Variants in FARP2 observed in about 807,000 individuals in gnomAD.
FARP2 encodes FERM, ARHGEF and pleckstrin domain-containing protein 2.
In FARP2, 111 loss-of-function variants were observed where a neutral mutation model predicts 130.5. The observed-to-expected ratio is 0.85, with a 90% CI of 0.73 to 1.00. The LOEUF (loss-of-function observed/expected upper bound fraction) is 1.00. Ranked by LOEUF, FARP2 falls within the 50% of genes least tolerant of loss-of-function variation. FARP2 has a pLI of 0.00. For synonymous variants in FARP2, 504 were observed against 516.9 expected (o/e 0.98, Z 0.34); for missense variants, 1,385 against 1,346.3 (o/e 1.03, Z -0.45).
In FARP2 at chr2:241,491,543, A is replaced by C; in HGVS notation, c.2651A>C (p.Gln884Pro). Residue 884 changes from glutamine (Q) to proline (P), a missense_variant, in exon 24 of 27, where the codon CAG (glutamine) becomes CCG (proline). Coordinates refer to ENST00000264042, the MANE Select transcript of FARP2 (RefSeq NM_014808.4). ...PRSPNEVSLE[Q>P]ESEDDARGVR... ...TCCCCCAACGAGGTATCTCTGGAGC[A>C]GGAGTCAGAAGATGATGCTCGGGGT... The C allele has an allele frequency of 6.2e-7, 1 of 1,613,642 alleles. No homozygotes were observed. The highest frequency in any genetic ancestry group is 1.3e-5 in the African/African-American group (1 of 75,048).
chr2:241,491,489 CCT>C (rs1397563363), intron 23 of FARP2, 25 bp from the exon 24 acceptor site: 4 of 1,612,058 alleles, frequency 2.5e-6, no homozygotes, highest in East Asian at 4.5e-5. Flanking sequence ...GGGGGTTCCC[CCT>C]GAGACGCTGC....
chr2:241,490,140 C>G, intron 22 of FARP2, 96 bp downstream of exon 22: 1 of 853,968 alleles, frequency 1.2e-6, no homozygotes, highest in Non-Finnish European at 2.0e-6. Flanking sequence ...CTGTGAGGAG[C>G]CATGTAGCCT....
At chr2:241,435,160 C>G (rs1351549460) in intron 11 of FARP2, 130 bp downstream of exon 11, 1 of 533,446 alleles carries the variant, frequency 1.9e-6, no homozygotes, top group Admixed American at 4.0e-5. Flanking sequence ...GTGGCATGAT[C>G]ACGGCTCACT....
In FARP2 at chr2:241,494,192, T is replaced by C; in HGVS notation, c.*67T>C. On this transcript the variant is annotated 3_prime_UTR_variant, in exon 27 of 27. Coordinates refer to ENST00000264042, the MANE Select transcript of FARP2 (RefSeq NM_014808.4). The surrounding 1 kb of genome is among the most constrained non-coding windows in gnomAD (Gnocchi z 4.9). ...CAGGACACAGAGGTGACCTCTGTCC[T>C]GAGGCTTCTCAACAGATGGGAAGTG... The C allele has an allele frequency of 1.0e-6, 1 of 977,516 alleles. No homozygotes were observed. Among genetic ancestry groups the C allele is most frequent in the Admixed American group, 3.1e-5 (1 of 32,754 alleles). 60.6% of individuals were successfully genotyped at this position (977,516 alleles called of 1,614,324 possible).
intron 13 of FARP2, among the ~76,000 whole-genome samples, chr2:241,451,300 A>G (rs766372728): frequency 6.6e-6 from 1 of 152,100 alleles, no homozygotes; most frequent in Non-Finnish European, 1.5e-5. Flanking sequence ...AGTATTTCAG[A>G]TGTTATTCTT....
chr2:241,424,268 C>A (rs2062878044), intron 8 of FARP2, among the ~76,000 whole-genome samples: 1 of 152,146 alleles, frequency 6.6e-6, no homozygotes, highest in South Asian at 2.1e-4. Context: ...CAGTCTCTTA[C>A]ACCACAGCAC....
intron 17 of FARP2, chr2:241,466,522 G>T: frequency 2.0e-6 from 2 of 985,438 alleles, no homozygotes; most frequent in Non-Finnish European, 1.2e-6. Flanking sequence ...AGGGACCCCA[G>T]CCCATCATGG....
chr2:241,380,383 C>G lies in FARP2; in HGVS notation c.183+7093C>G, dbSNP rs553155319. ...CAGAAACCCCTTGATCTACTCGTGCCCATGTAACTCCCCCATTTTTGATCA... is the reference window on the plus strand; with the variant it reads ...CAGAAACCCCTTGATCTACTCGTGCGCATGTAACTCCCCCATTTTTGATCA... On this transcript the variant is annotated intron_variant, in intron 2 of 26. Transcript: ENST00000264042. Among the ~76,000 whole-genome samples, 9 of 152,162 alleles carry G rather than the reference C, an allele frequency of 5.9e-5. 1 individual carries two copies. In the South Asian group the frequency reaches 1.9e-3, roughly 32 times the overall value.
intron 13 of FARP2, among the ~76,000 whole-genome samples, chr2:241,454,585 G>A (rs181547270): frequency 2.5e-4 from 38 of 152,272 alleles, no homozygotes; most frequent in African/African-American, 8.9e-4. Flanking sequence ...AGTAATCCAC[G>A]CTTCAGGGGC....
intron 2 of FARP2, among the ~76,000 whole-genome samples, chr2:241,376,668 C>T (rs1030391761): frequency 1.3e-5 from 2 of 152,262 alleles, no homozygotes; most frequent in Non-Finnish European, 2.9e-5. Flanking sequence ...CCACTTGTCT[C>T]ATTCGTATTC....
At chr2:241,420,721 A>G (rs1050371708) in intron 8 of FARP2, among the ~76,000 whole-genome samples, 124 of 152,312 alleles carry the variant, frequency 8.1e-4, no homozygotes, top group African/African-American at 2.8e-3. Context: ...GTGCTGGCAC[A>G]TGCTCTGCTA....
At chr2:241,409,244 AT>A (rs1373404359) in intron 5 of FARP2, among the ~76,000 whole-genome samples, 1 of 151,910 alleles carries the variant, frequency 6.6e-6, no homozygotes, top group Admixed American at 6.6e-5. Flanking sequence ...TGGTAAAAGA[AT>A]TTTTTTTCCA....
intron 2 of FARP2, among the ~76,000 whole-genome samples, chr2:241,391,391 G>C (rs2061900638): frequency 6.6e-6 from 1 of 152,190 alleles, no homozygotes; most frequent in African/African-American, 2.4e-5. Flanking sequence ...CTTGGGGTGT[G>C]TCCTTCTTGA....
intron 12 of FARP2, among the ~76,000 whole-genome samples, chr2:241,437,658 A>ATTT (rs1478318608): frequency 1.3e-4 from 17 of 134,372 alleles, no homozygotes; most frequent in African/African-American, 4.2e-4. Flanking sequence ...ATATTTATTT[A>ATTT]TTTATTTATT....
At chr2:241,414,489 C>G (rs1342058697) in intron 7 of FARP2, among the ~76,000 whole-genome samples, 1 of 152,184 alleles carries the variant, frequency 6.6e-6, no homozygotes, top group Non-Finnish European at 1.5e-5. Context: ...TGGCAGCTGC[C>G]CTTTCACACC....
At chr2:241,364,360 G>A (rs1341966076) in intron 1 of FARP2, among the ~76,000 whole-genome samples, 1 of 152,112 alleles carries the variant, frequency 6.6e-6, no homozygotes, top group African/African-American at 2.4e-5. Context: ...TCTCCCCCAA[G>A]GAAATCCACA....
intron 1 of FARP2, among the ~76,000 whole-genome samples, chr2:241,365,647 G>A (rs936389742): frequency 1.3e-5 from 2 of 152,066 alleles, no homozygotes; most frequent in Admixed American, 1.3e-4. Context: ...TCTCCTGTAG[G>A]ATTTCTTTGT....
chr2:241,397,411 G>C (rs2062057501), intron 2 of FARP2, among the ~76,000 whole-genome samples: 1 of 152,150 alleles, frequency 6.6e-6, no homozygotes. Context: ...TTCTCATGAA[G>C]TATAAAGTTT....
At chr2:241,426,788 T>TAA (rs1407761245) in intron 8 of FARP2, among the ~76,000 whole-genome samples, 5 of 152,188 alleles carry the variant, frequency 3.3e-5, no homozygotes, top group Non-Finnish European at 7.3e-5. Context: ...TGTGCAGGTT[T>TAA]AAAAGTGTTG....
Sources: gnomAD v4.1 joint callset for allele counts (sites outside exome capture counted in the v4.1 genomes callset) on GRCh38, gnomAD v4.1.1 for gene constraint, Gnocchi (gnomAD v3.1) non-coding constraint, MANE v1.5 for transcripts, NCBI Gene and HGNC (gene_info 2026-07-23, HGNC 2026-07-21) for gene names.